The following DMXL1 variants were observed in gnomAD, a reference collection of about 807,000 sequenced individuals.
DMXL1 encodes the protein Dmx like 1.
In DMXL1, 99 loss-of-function variants were observed where a neutral mutation model predicts 319.2. The ratio of observed to expected loss-of-function variants is 0.31; its 90% CI spans 0.26 to 0.37. DMXL1 has a LOEUF of 0.37. DMXL1 is among the 10% of genes least tolerant of loss of function. DMXL1 has a pLI of 1.00. For missense variants in DMXL1, 3,745 were observed against 3,595.6 expected (o/e 1.04, Z -1.06); for synonymous variants, 1,385 against 1,235.2 (o/e 1.12, Z -2.54).
intron 1 of DMXL1, among the ~76,000 whole-genome samples, chr5:119,085,984 G>A (rs537886249): frequency 1.3e-5 from 2 of 152,188 alleles, no homozygotes; most frequent in African/African-American, 2.4e-5. Flanking sequence ...GATATATCAC[G>A]TTTATTGATT....
At chr5:119,231,929 C>T (rs1357410614) in intron 38 of DMXL1, among the ~76,000 whole-genome samples, 1 of 152,134 alleles carries the variant, frequency 6.6e-6, no homozygotes, top group Non-Finnish European at 1.5e-5. Flanking sequence ...ATGCAAGGCC[C>T]TGGAGCTGTC....
At chr5:119,128,093 T>C in intron 9 of DMXL1, 1 of 474,300 alleles carries the variant, frequency 2.1e-6, no homozygotes, top group Non-Finnish European at 4.2e-6. Flanking sequence ...CTATTACCCA[T>C]TGCAAGTCTA....
chr5:119,199,854 C>T (rs1780367449), intron 32 of DMXL1, among the ~76,000 whole-genome samples: 1 of 152,026 alleles, frequency 6.6e-6, no homozygotes, highest in Admixed American at 6.6e-5. Flanking sequence ...TTTTCTTAGG[C>T]TTATTGGCAC....
intron 13 of DMXL1, among the ~76,000 whole-genome samples, chr5:119,141,175 T>C (rs1767251913): frequency 6.6e-6 from 1 of 152,160 alleles, no homozygotes; most frequent in Non-Finnish European, 1.5e-5. Flanking sequence ...GCTGGAAGCA[T>C]TCCCCCTGAA....
At chr5:119,072,388 TAA>T (rs1277956605) in intron 1 of DMXL1, among the ~76,000 whole-genome samples, 1 of 152,142 alleles carries the variant, frequency 6.6e-6, no homozygotes, top group African/African-American at 2.4e-5. Context: ...TTTCAAAATA[TAA>T]GTCAGTAATT....
At chr5:119,157,247 C>T (rs1301437403) in intron 19 of DMXL1, among the ~76,000 whole-genome samples, 1 of 152,200 alleles carries the variant, frequency 6.6e-6, no homozygotes, top group Non-Finnish European at 1.5e-5. Flanking sequence ...ATACAGATTG[C>T]AGATATTATT....
chr5:119,096,527 G>T (rs1212168954), intron 1 of DMXL1, among the ~76,000 whole-genome samples: 1 of 152,170 alleles, frequency 6.6e-6, no homozygotes, highest in Non-Finnish European at 1.5e-5. Context: ...GGAGCAAGTA[G>T]AGAGTTGATA....
chr5:119,162,011 C>T (rs1281621064), intron 19 of DMXL1, among the ~76,000 whole-genome samples: 1 of 152,192 alleles, frequency 6.6e-6, no homozygotes, highest in Non-Finnish European at 1.5e-5. Context: ...CATTGTTTCC[C>T]TTGAGGTGAG....
intron 32 of DMXL1, among the ~76,000 whole-genome samples, chr5:119,201,528 G>C (rs1488605502): frequency 6.6e-6 from 1 of 151,472 alleles, no homozygotes; most frequent in Non-Finnish European, 1.5e-5. Flanking sequence ...TTGAAGTTTT[G>C]TTTTTTTTGT....
In DMXL1 at chr5:119,166,638, A is replaced by T. The variant is rs141221205; in HGVS notation, c.4993A>T (p.Thr1665Ser). 31 of 1,609,560 alleles carry T rather than the reference A, an allele frequency of 1.9e-5. 1 individual carries two copies. The African/African-American group carries it at 3.3e-4, about 17-fold the overall frequency. Residue 1665 changes from threonine (T) to serine (S), a missense_variant, in exon 22 of 44, where the codon ACA becomes TCA. Physicochemically the swap from Thr to Ser is moderately conservative, Grantham distance 58 (BLOSUM62 1). Around this residue, in one of 4 missense-constraint regions of DMXL1, gnomAD observed 2,096 missense variants for 1,985.4 expected, o/e 1.06. Coordinates refer to ENST00000539542, the MANE Select transcript of DMXL1 (RefSeq NM_001290321.3). ...TAGAGCTGAAAAAAACACCAGGATG[A>T]CACAGTTTTTTGGACACAATTTTGA... ...LYRAEKNTRMTQFFGHNFEDE... is the reference protein window; with the variant it reads ...LYRAEKNTRMSQFFGHNFEDE...
chr5:119,160,647 C>G (rs1772080671), intron 19 of DMXL1, among the ~76,000 whole-genome samples: 1 of 152,060 alleles, frequency 6.6e-6, no homozygotes, highest in South Asian at 2.1e-4. Flanking sequence ...TGTAATCTAT[C>G]TCTCCCTTTA....
At chr5:119,219,766 C>A (rs943194355) in intron 35 of DMXL1, among the ~76,000 whole-genome samples, 1 of 151,952 alleles carries the variant, frequency 6.6e-6, no homozygotes, top group Non-Finnish European at 1.5e-5. Flanking sequence ...CAGTGTTTTG[C>A]CATGTTGCCC....
At position 119,178,133 on chromosome 5, in the gene DMXL1, G is replaced by C; in HGVS notation, c.7024G>C (p.Glu2342Gln). Residue 2342 changes from glutamate to glutamine, a missense_variant, in exon 28 of 44, where the codon GAG becomes CAG. Glu to Gln is a conservative substitution (Grantham distance 29). Transcript: ENST00000539542. ...IHGLATHSSN[E>Q]LFRIVAHPLN... ...TGGCCTGGCCACACATTCAAGTAAT[G>C]AGCTATTTCGGATTGTGGCCCATCC... 1 of 1,613,926 alleles carries C rather than the reference G, an allele frequency of 6.2e-7. No homozygotes were observed. Among genetic ancestry groups the C allele is most frequent in the East Asian group, 2.2e-5 (1 of 44,858 alleles).
rs529009323 is a variant in DMXL1, at chr5:119,123,475, G to A, written c.1102+2336G>A. ...GAGAGGAGGAGAGGTAGAGGGAGAGGGAGAGGCCTATTTTTCATTGTAGCA... is the reference window on the plus strand; with the variant it reads ...GAGAGGAGGAGAGGTAGAGGGAGAGAGAGAGGCCTATTTTTCATTGTAGCA... On this transcript the variant is annotated intron_variant, in intron 9 of 43. Transcript: ENST00000539542. Among the ~76,000 whole-genome samples the A allele has an allele frequency of 4.5e-4, 68 of 150,496 alleles. 1 individual carries two copies. In the South Asian group the frequency reaches 0.014, roughly 32 times the overall value.
At chr5:119,111,632 T>C (rs1049583265) in intron 5 of DMXL1, among the ~76,000 whole-genome samples, 4 of 152,166 alleles carry the variant, frequency 2.6e-5, no homozygotes, top group Admixed American at 2.0e-4. Flanking sequence ...TCTAACCGTA[T>C]CAATAAAACA....
At position 119,194,948 on chromosome 5, in the gene DMXL1, C is replaced by T. The variant is rs140199311; in HGVS notation, c.7457+978C>T. Among the ~76,000 whole-genome samples the T allele has an allele frequency of 1.5e-3, 234 of 151,438 alleles. 2 individuals carry two copies. The highest frequency in any genetic ancestry group is 5.4e-3 in the African/African-American group (223 of 41,244). ...ACTTGAATAGACATTTCTCCAAAGA[C>T]GATATGAAAATAGCCAATAAGCATA... is the stretch of plus-strand genomic sequence containing the variant. On this transcript the variant is annotated intron_variant, in intron 30 of 43. Transcript: ENST00000539542.
At position 119,170,684 on chromosome 5, in the gene DMXL1, G is replaced by T; in HGVS notation, c.5893G>T (p.Glu1965Ter). 6.2e-7 allele frequency: 1 copy of T among 1,613,488 alleles called. No homozygotes were observed. The highest frequency in any genetic ancestry group is 8.5e-7 in the Non-Finnish European group (1 of 1,179,872). The part of the protein sequence containing the change: ...PSVVFQDDSL[E>*]LKWDSDNDEE... Reference sequence around the variant, plus strand: ...TGTTGTGTTTCAGGATGACTCTTTAGAGTTAAAATGGGACAGTGATAATGA... The same window carrying T: ...TGTTGTGTTTCAGGATGACTCTTTATAGTTAAAATGGGACAGTGATAATGA... Residue 1965 changes from glutamate to a stop codon, truncating the protein, a stop_gained, in exon 24 of 44, where the codon GAG becomes TAG. Coordinates refer to ENST00000539542, the MANE Select transcript of DMXL1 (RefSeq NM_001290321.3). LOFTEE classifies it high-confidence loss of function.
At chr5:119,141,523 T>C (rs748694073) in intron 13 of DMXL1, among the ~76,000 whole-genome samples, 2 of 151,902 alleles carry the variant, frequency 1.3e-5, no homozygotes, top group Non-Finnish European at 2.9e-5. Context: ...AAGAATAAAA[T>C]ACCTAGGAAT....
chr5:119,234,743 A>C (rs916937232), intron 39 of DMXL1, among the ~76,000 whole-genome samples: 2 of 152,092 alleles, frequency 1.3e-5, no homozygotes, highest in African/African-American at 4.8e-5. Context: ...ACTAATCTCT[A>C]TACCTGAACC....
Sources: gnomAD v4.1 joint callset for allele counts (sites outside exome capture counted in the v4.1 genomes callset) on GRCh38, gnomAD v4.1.1 for gene constraint, gnomAD v4.1.1 regional missense constraint, MANE v1.5 for transcripts, NCBI Gene and HGNC (gene_info 2026-07-23, HGNC 2026-07-21) for gene names.